The following HOMER1 variants were observed in gnomAD, a reference collection of about 807,000 sequenced individuals.
The protein encoded by HOMER1 is homer protein homolog 1.
Under a neutral mutation model 48.9 loss-of-function variants are expected in HOMER1, and 3 were observed. That is an observed-to-expected ratio of 0.06 (90% confidence interval 0.03 to 0.16). The LOEUF (loss-of-function observed/expected upper bound fraction) is 0.16. Ranked by LOEUF, HOMER1 falls within the 10% of genes least tolerant of loss-of-function variation. The pLI is 1.00. For synonymous variants in HOMER1, 134 were observed against 146.4 expected, an observed-to-expected ratio of 0.92 and a Z score of 0.61; for missense variants, 247 against 411.4, an observed-to-expected ratio of 0.60 and a Z score of 3.46.
intron 3 of HOMER1, among the ~76,000 whole-genome samples, chr5:79,449,915 TTTA>T (rs1408710601): frequency 1.3e-5 from 2 of 152,170 alleles, no homozygotes; most frequent in African/African-American, 4.8e-5. Flanking sequence ...TTAAGAAATG[TTTA>T]TAATTAGAAG....
Position 79,372,782 on chromosome 5 carries a change from G to A in HOMER1, c.*3227C>T, listed in dbSNP as rs1285992630. 1 of 152,090 alleles carries A rather than the reference G, an allele frequency of 6.6e-6. No individual in the cohort carries two copies. Among genetic ancestry groups the A allele is most frequent in the Non-Finnish European group, 1.5e-5 (1 of 68,018 alleles). 9.4% of individuals were successfully genotyped at this position (152,090 alleles called of 1,614,324 possible). A position where few individuals can be genotyped will look rare whatever the true frequency, so the allele number is the denominator to read the frequency against. On this transcript the variant is annotated 3_prime_UTR_variant, in exon 9 of 9. Transcript: ENST00000334082. ...ATGCTTCAGTTAAATAAAAACATGG[G>A]AGACTGTAGCCCACATGTTAAAGAA...
At chr5:79,482,610 GA>G (rs202125908) in intron 1 of HOMER1, among the ~76,000 whole-genome samples, 22 of 150,904 alleles carry the variant, frequency 1.5e-4, no homozygotes, top group Non-Finnish European at 2.7e-4. Context: ...AAAAAACCCT[GA>G]AAAAAAAATA....
intron 1 of HOMER1, among the ~76,000 whole-genome samples, chr5:79,474,426 C>T (rs567918384): frequency 6.6e-6 from 1 of 151,994 alleles, no homozygotes; most frequent in Non-Finnish European, 1.5e-5. Context: ...TTCTGATTAT[C>T]TCAATTCCCT....
intron 1 of HOMER1, among the ~76,000 whole-genome samples, chr5:79,505,269 C>A (rs1752715926): frequency 6.6e-6 from 1 of 152,026 alleles, no homozygotes; most frequent in Non-Finnish European, 1.5e-5. Flanking sequence ...AAAAAAGACT[C>A]CCCAACTAGA....
intron 8 of HOMER1, among the ~76,000 whole-genome samples, chr5:79,391,592 A>C (rs924764518): frequency 1.3e-5 from 2 of 151,830 alleles, no homozygotes; most frequent in Non-Finnish European, 2.9e-5. Flanking sequence ...AAAAAATGCA[A>C]AAAATTAGCC....
chr5:79,379,170 A>G (rs1250489005), intron 8 of HOMER1, among the ~76,000 whole-genome samples: 1 of 106,942 alleles, frequency 9.4e-6, no homozygotes. Context: ...ATATTTATAT[A>G]TTATATATAT....
chr5:79,479,892 CTTTATA>C (rs1751899331), intron 1 of HOMER1, among the ~76,000 whole-genome samples: 1 of 152,106 alleles, frequency 6.6e-6, no homozygotes, highest in Non-Finnish European at 1.5e-5. Flanking sequence ...ATAAAAGGAA[CTTTATA>C]TTTATTAAAG....
In HOMER1 at chr5:79,445,364, G is replaced by A. The variant is rs527721922; in HGVS notation, c.387+1689C>T. Among the ~76,000 whole-genome samples, 468 of 152,118 alleles carry A rather than the reference G, an allele frequency of 3.1e-3. 6 individuals carry two copies. The highest frequency in any genetic ancestry group is 0.011 in the African/African-American group (444 of 41,518). On this transcript the variant is annotated intron_variant, in intron 4 of 8. Coordinates refer to ENST00000334082, the MANE Select transcript of HOMER1 (RefSeq NM_004272.5). Reference sequence around the variant, plus strand: ...ACAATTAAAATAAAAATTAATTTTAGAAAAGCCTACTATTAAAAAGCTGAA... The same window carrying A: ...ACAATTAAAATAAAAATTAATTTTAAAAAAGCCTACTATTAAAAAGCTGAA...
chr5:79,440,500 T>C (rs1052794876), intron 4 of HOMER1, among the ~76,000 whole-genome samples: 3 of 152,146 alleles, frequency 2.0e-5, no homozygotes, highest in Non-Finnish European at 2.9e-5. Context: ...TGACCTTTAA[T>C]TTCATTTTTA....
At chr5:79,426,784 A>G (rs971369987) in intron 5 of HOMER1, among the ~76,000 whole-genome samples, 5 of 152,134 alleles carry the variant, frequency 3.3e-5, no homozygotes, top group African/African-American at 1.2e-4. Flanking sequence ...CAAAATGACT[A>G]GACTAGAATA....
At chr5:79,379,067 C>T (rs1303867321) in intron 8 of HOMER1, among the ~76,000 whole-genome samples, 1 of 73,988 alleles carries the variant, frequency 1.4e-5, no homozygotes, top group Non-Finnish European at 2.4e-5. Context: ...TCTTAGGTGT[C>T]TACCTTTTGT....
At chr5:79,416,822 A>AT (rs1749955345) in intron 5 of HOMER1, among the ~76,000 whole-genome samples, 1 of 152,186 alleles carries the variant, frequency 6.6e-6, no homozygotes, top group Non-Finnish European at 1.5e-5. Context: ...CCCTTTGAAA[A>AT]TTTTAAGCAG....
At chr5:79,474,473 C>T (rs1430477415) in intron 1 of HOMER1, among the ~76,000 whole-genome samples, 2 of 152,030 alleles carry the variant, frequency 1.3e-5, no homozygotes, top group Admixed American at 6.6e-5. Flanking sequence ...TTAAAGTTCT[C>T]CCTTGAATTG....
chr5:79,378,026 T>C (rs1748819284), intron 8 of HOMER1, among the ~76,000 whole-genome samples: 1 of 152,114 alleles, frequency 6.6e-6, no homozygotes, highest in Non-Finnish European at 1.5e-5. Context: ...GAGACCAGCC[T>C]GGCCAACATG....
At chr5:79,481,201 C>T (rs903728997) in intron 1 of HOMER1, among the ~76,000 whole-genome samples, 6 of 152,148 alleles carry the variant, frequency 3.9e-5, no homozygotes, top group Non-Finnish European at 5.9e-5. Context: ...CCTCACGACA[C>T]GTGTCACAAT....
intron 3 of HOMER1, among the ~76,000 whole-genome samples, chr5:79,448,722 A>G (rs1358315766): frequency 6.6e-6 from 1 of 152,166 alleles, no homozygotes; most frequent in Non-Finnish European, 1.5e-5. Context: ...TGAGCCTCCT[A>G]CAGTCTGCAA....
chr5:79,443,629 A>G (rs558123874), intron 4 of HOMER1, among the ~76,000 whole-genome samples: 2 of 152,318 alleles, frequency 1.3e-5, no homozygotes, highest in East Asian at 1.9e-4. Flanking sequence ...GTTAACATTT[A>G]TTAGGCATTT....
At chr5:79,442,810 G>A (rs917093221) in intron 4 of HOMER1, among the ~76,000 whole-genome samples, 1 of 152,160 alleles carries the variant, frequency 6.6e-6, no homozygotes, top group African/African-American at 2.4e-5. Context: ...AGAATGGAAA[G>A]AAGACAGCAA....
intron 5 of HOMER1, among the ~76,000 whole-genome samples, chr5:79,427,452 G>A (rs773560214): frequency 6.6e-6 from 1 of 152,012 alleles, no homozygotes; most frequent in Admixed American, 6.6e-5. Context: ...ACAGTGGCAC[G>A]ATCTTAGCTC....
Sources: allele counts gnomAD v4.1 joint callset (sites outside exome capture counted in the v4.1 genomes callset), GRCh38; gene constraint gnomAD v4.1.1; transcripts MANE v1.5; gene names NCBI Gene and HGNC (gene_info 2026-07-23, HGNC 2026-07-21).